Variants in SHROOM3 observed in about 807,000 individuals in gnomAD.
The protein encoded by SHROOM3 is protein Shroom3.
SHROOM3 carries 47 observed loss-of-function variants against 138.6 expected under a neutral mutation model. The ratio of observed to expected loss-of-function variants is 0.34; its 90% CI spans 0.27 to 0.43. SHROOM3 has a LOEUF of 0.43. Among genes scored for constraint, SHROOM3 ranks in the 20% least tolerant of loss-of-function variants. The pLI is 1.00. For synonymous variants in SHROOM3, 1,062 were observed against 1,063.3 expected (o/e 1.00, Z 0.02); for missense variants, 2,491 against 2,596.5 (o/e 0.96, Z 0.88).
At chr4:76,618,022 G>A (rs1734919300) in intron 2 of SHROOM3, among the ~76,000 whole-genome samples, 1 of 152,238 alleles carries the variant, frequency 6.6e-6, no homozygotes, top group Non-Finnish European at 1.5e-5. Flanking sequence ...AAGTGTGGCT[G>A]GGCGCAGTGG....
At chr4:76,711,740 A>G (rs961444008) in intron 3 of SHROOM3, among the ~76,000 whole-genome samples, 7 of 152,130 alleles carry the variant, frequency 4.6e-5, no homozygotes, top group Non-Finnish European at 7.4e-5. Context: ...TAGACTATCC[A>G]TGTTCAATAA....
chr4:76,478,849 G>C (rs1731543724), intron 1 of SHROOM3, among the ~76,000 whole-genome samples: 1 of 152,142 alleles, frequency 6.6e-6, no homozygotes, highest in South Asian at 2.1e-4. Flanking sequence ...GGTCTTGAGT[G>C]GACCTTCAGC....
At chr4:76,710,395 C>A in intron 3 of SHROOM3, 108 bp downstream of exon 3, 1 of 1,358,186 alleles carries the variant, frequency 7.4e-7, no homozygotes, top group Non-Finnish European at 1.0e-6. Flanking sequence ...AGGATACAGG[C>A]TGTTGAGAGA....
intron 1 of SHROOM3, among the ~76,000 whole-genome samples, chr4:76,458,939 G>A (rs1049486527): frequency 6.6e-6 from 1 of 152,174 alleles, no homozygotes; most frequent in African/African-American, 2.4e-5. Flanking sequence ...ACTGGTTTTA[G>A]GTCCAGCTCC....
intron 2 of SHROOM3, among the ~76,000 whole-genome samples, chr4:76,697,393 A>C (rs1345203466): frequency 1.3e-5 from 2 of 152,094 alleles, no homozygotes; most frequent in Non-Finnish European, 2.9e-5. Context: ...TTCTAGTAGA[A>C]AGCACCAAAA....
rs138611559 is a variant in SHROOM3 at position 76,612,862 on chromosome 4, G to A, written c.323+57099G>A. ...GGCAGAGGCAGAAGGATCACTTGAA[G>A]CCAGGAGTTTGAGTTTGCAGTGAGC... is the stretch of plus-strand genomic sequence containing the variant. On this transcript the variant is annotated intron_variant, in intron 2 of 10. Transcript: ENST00000296043. Among the ~76,000 whole-genome samples the A allele has an allele frequency of 5.2e-3, 796 of 152,276 alleles. 5 individuals carry two copies. Among genetic ancestry groups the A allele is most frequent in the African/African-American group, 0.019 (776 of 41,542 alleles).
intron 3 of SHROOM3, among the ~76,000 whole-genome samples, chr4:76,719,138 G>T (rs1720463904): frequency 1.3e-5 from 2 of 152,102 alleles, no homozygotes; most frequent in African/African-American, 4.8e-5. Context: ...TAGTAATTCA[G>T]GGGCACACAC....
At chr4:76,691,830 G>T (rs1231035875) in intron 2 of SHROOM3, among the ~76,000 whole-genome samples, 1 of 152,054 alleles carries the variant, frequency 6.6e-6, no homozygotes, top group Non-Finnish European at 1.5e-5. Flanking sequence ...CCCTTTTCAT[G>T]CAGAACCCAT....
At position 76,741,865 on chromosome 4, in the gene SHROOM3, T is replaced by A. The variant is rs372024070; in HGVS notation, c.3692T>A (p.Val1231Asp). ...SAEDLLERSDVLAGPVHVRSR... is the reference protein window; with the variant it reads ...SAEDLLERSDDLAGPVHVRSR... ...GAGGACCTGCTGGAACGCTCGGACG[T>A]CCTTGCGGGCCCTGTCCATGTGAGG... The change falls in exon 5 of 11, where the codon GTC (valine) becomes GAC (aspartate). Residue 1231 changes from valine to aspartate, a missense_variant. Physicochemically the swap from Val to Asp is radical, Grantham distance 152. Coordinates refer to ENST00000296043, the MANE Select transcript of SHROOM3 (RefSeq NM_020859.4). The surrounding 1 kb of genome is among the most constrained non-coding windows in gnomAD (Gnocchi z 6.2). The A allele has an allele frequency of 1.2e-6, 2 of 1,611,396 alleles. No homozygotes were observed. The highest frequency in any genetic ancestry group is 8.5e-7 in the Non-Finnish European group (1 of 1,179,702).
chr4:76,636,022 T>C (rs1390599992), intron 2 of SHROOM3, among the ~76,000 whole-genome samples: 3 of 152,212 alleles, frequency 2.0e-5, no homozygotes, highest in South Asian at 2.1e-4. Context: ...TGACCAAGAA[T>C]TGGGACTTCC....
At chr4:76,703,976 C>T (rs1719974086) in intron 2 of SHROOM3, among the ~76,000 whole-genome samples, 2 of 152,208 alleles carry the variant, frequency 1.3e-5, no homozygotes. Context: ...CAACTCCCAA[C>T]TTTTCTTGTC....
intron 2 of SHROOM3, among the ~76,000 whole-genome samples, chr4:76,566,746 C>T (rs1299841501): frequency 1.3e-5 from 2 of 152,208 alleles, no homozygotes; most frequent in Non-Finnish European, 2.9e-5. Context: ...CACCTGGTTC[C>T]ATCTGACTTG....
chr4:76,605,980 C>CATATATATACACATAT (rs1734607511), intron 2 of SHROOM3, among the ~76,000 whole-genome samples: 24 of 80,194 alleles, frequency 3.0e-4, no homozygotes, highest in African/African-American at 1.2e-3. Flanking sequence ...TACACATATA[C>CATATATATACACATAT]ACACACACAC....
At chr4:76,703,724 G>A (rs1271853746) in intron 2 of SHROOM3, among the ~76,000 whole-genome samples, 1 of 152,172 alleles carries the variant, frequency 6.6e-6, no homozygotes, top group East Asian at 1.9e-4. Flanking sequence ...CAGAGTAGAA[G>A]GAAAACTTGA....
chr4:76,439,557 A>G (rs1730627363), intron 1 of SHROOM3, among the ~76,000 whole-genome samples: 1 of 152,086 alleles, frequency 6.6e-6, no homozygotes, highest in Non-Finnish European at 1.5e-5. Context: ...GATCATGCGT[A>G]TACTAGATCT....
chr4:76,692,391 C>A (rs1719581836), intron 2 of SHROOM3, among the ~76,000 whole-genome samples: 1 of 152,134 alleles, frequency 6.6e-6, no homozygotes, highest in Admixed American at 6.5e-5. Flanking sequence ...TTATAAGAGG[C>A]AAAATAAAAC....
At chr4:76,559,036 A>C (rs1347566682) in intron 2 of SHROOM3, 1 of 152,196 alleles carries the variant, frequency 6.6e-6, no homozygotes, top group African/African-American at 2.4e-5. Flanking sequence ...TGATTGACAC[A>C]TTCTTTCTTT....
At chr4:76,699,523 G>A (rs963433187) in intron 2 of SHROOM3, among the ~76,000 whole-genome samples, 17 of 152,210 alleles carry the variant, frequency 1.1e-4, no homozygotes, top group African/African-American at 3.9e-4. Context: ...TTGTGCAGGT[G>A]TCCTGGCTGC....
At chr4:76,643,211 C>CAA (rs34800196) in intron 2 of SHROOM3, among the ~76,000 whole-genome samples, 1 of 125,166 alleles carries the variant, frequency 8.0e-6, no homozygotes, top group African/African-American at 3.0e-5. Flanking sequence ...GATGCTGTCT[C>CAA]AAAAAAAAAA....
Sources: allele counts gnomAD v4.1 joint callset (sites outside exome capture counted in the v4.1 genomes callset), GRCh38; gene constraint gnomAD v4.1.1; non-coding constraint Gnocchi (gnomAD v3.1); transcripts MANE v1.5; gene names NCBI Gene and HGNC (gene_info 2026-07-23, HGNC 2026-07-21).